The following TMEM272 variants were observed in gnomAD, a reference collection of about 807,000 sequenced individuals.
The protein encoded by TMEM272 is long intergenic non-protein coding RNA 282.
Under a neutral mutation model 3.7 loss-of-function variants are expected in TMEM272, and 8 were observed. The ratio of observed to expected loss-of-function variants is 2.17; its 90% CI spans 1.27 to 3.91. TMEM272 has a LOEUF of 3.91. Ranked by LOEUF, TMEM272 falls within the 30% of genes most tolerant of loss-of-function variation. The pLI is 0.00. For synonymous variants in TMEM272, 63 were observed against 39.8 expected (o/e 1.58, Z -2.20); for missense variants, 166 against 91.5 (o/e 1.81, Z -3.32).
At chr13:51,916,133 C>A in the TMEM272 span, among the ~76,000 whole-genome samples, 1 of 152,168 alleles carries the variant, frequency 6.6e-6, no homozygotes. Flanking sequence ...CTGGAGGGGA[C>A]ACCGGCATGA....
chr13:51,871,876 C>T, the TMEM272 span, among the ~76,000 whole-genome samples: 616 of 151,168 alleles, frequency 4.1e-3, 5 homozygotes, highest in African/African-American at 0.014. Context: ...TCCAGCCTTC[C>T]TTCCTCACTC....
intron 2 of TMEM272, among the ~76,000 whole-genome samples, chr13:51,828,991 T>C (rs929237924): frequency 2.0e-5 from 3 of 152,218 alleles, no homozygotes; most frequent in Non-Finnish European, 4.4e-5. Context: ...TAAATTAGTA[T>C]ACCTTGTCCT....
chr13:51,878,015 T>C, the TMEM272 span, among the ~76,000 whole-genome samples: 1 of 151,696 alleles, frequency 6.6e-6, no homozygotes, highest in African/African-American at 2.4e-5. Context: ...GGCTGAAGAG[T>C]TCCACAGGGC....
In TMEM272 at chr13:51,813,982, A is replaced by C. The variant is rs1343800627; in HGVS notation, c.*2769T>G. 1 of 152,182 alleles carries C rather than the reference A, an allele frequency of 6.6e-6. No individual in the cohort carries two copies. Among genetic ancestry groups the C allele is most frequent in the African/African-American group, 2.4e-5 (1 of 41,440 alleles). 9.4% of individuals were successfully genotyped at this position (152,182 alleles called of 1,614,324 possible). A position where few individuals can be genotyped will look rare whatever the true frequency, so the allele number is the denominator to read the frequency against. ...TTGCCTTGCCAGGTTCCCATGGAGG[A>C]AGGCTGCCCAGCTCTTGGGCCAGTC... On this transcript the variant is annotated 3_prime_UTR_variant, in exon 5 of 5. Transcript: ENST00000629372.
the TMEM272 span, among the ~76,000 whole-genome samples, chr13:51,868,409 G>A: frequency 8.5e-5 from 13 of 152,348 alleles, no homozygotes; most frequent in East Asian, 1.9e-4. Context: ...GAATGAAACC[G>A]AGTTTTAGCC....
the TMEM272 span, among the ~76,000 whole-genome samples, chr13:51,931,406 A>T: frequency 6.6e-6 from 1 of 151,782 alleles, no homozygotes; most frequent in African/African-American, 2.4e-5. Flanking sequence ...ACCAAACACC[A>T]CATATTCTCA....
At chr13:51,897,030 A>G in the TMEM272 span, among the ~76,000 whole-genome samples, 2 of 152,126 alleles carry the variant, frequency 1.3e-5, no homozygotes, top group African/African-American at 4.8e-5. Flanking sequence ...AGCAGCATAA[A>G]CTTCATGTTC....
chr13:51,874,115 G>A, the TMEM272 span, among the ~76,000 whole-genome samples: 1 of 152,164 alleles, frequency 6.6e-6, no homozygotes, highest in African/African-American at 2.4e-5. Context: ...AGGAACAGAG[G>A]CCCTGGCAGA....
chr13:51,900,682 T>C, the TMEM272 span, among the ~76,000 whole-genome samples: 1 of 151,892 alleles, frequency 6.6e-6, no homozygotes, highest in African/African-American at 2.4e-5. Flanking sequence ...GCATTATTCA[T>C]AGTAGCCAAA....
chr13:51,892,821 C>T, the TMEM272 span, among the ~76,000 whole-genome samples: 3 of 152,160 alleles, frequency 2.0e-5, no homozygotes, highest in African/African-American at 7.2e-5. Context: ...GTTCCTCCGT[C>T]CTAGCAGTGG....
chr13:51,820,289 C>T (rs1165417155), intron 4 of TMEM272, among the ~76,000 whole-genome samples: 1 of 152,136 alleles, frequency 6.6e-6, no homozygotes, highest in East Asian at 1.9e-4. Context: ...TGATGCATTT[C>T]ACGAAGGATG....
intron 4 of TMEM272, among the ~76,000 whole-genome samples, chr13:51,821,579 TATAGTTAAAAGCAGAA>T (rs1956078671): frequency 6.7e-6 from 1 of 150,174 alleles, no homozygotes; most frequent in African/African-American, 2.5e-5. Flanking sequence ...AACTAGGAAG[TATAGTTAAAAGCAGAA>T]ATAGGAACTG....
the TMEM272 span, among the ~76,000 whole-genome samples, chr13:51,921,942 G>C: frequency 1.3e-5 from 2 of 152,258 alleles, no homozygotes; most frequent in South Asian, 4.2e-4. Flanking sequence ...GTGTGTTGGG[G>C]ATATGTGTTG....
chr13:51,926,527 T>C, the TMEM272 span, among the ~76,000 whole-genome samples: 1 of 145,500 alleles, frequency 6.9e-6, no homozygotes, highest in South Asian at 2.1e-4. Flanking sequence ...CCTGGAGCAT[T>C]AGAGCAGCCT....
rs1306708350 is a variant in TMEM272, at chr13:51,813,929, G to A, written c.*2822C>T. 1 of 152,238 alleles carries A rather than the reference G, an allele frequency of 6.6e-6. No homozygotes were observed. Among genetic ancestry groups the A allele is most frequent in the Non-Finnish European group, 1.5e-5 (1 of 68,050 alleles). The allele number at this position is 152,238 out of a possible 1,614,324, so 9.4% of individuals were successfully genotyped here. On this transcript the variant is annotated 3_prime_UTR_variant, in exon 5 of 5. Coordinates refer to ENST00000629372, the MANE Select transcript of TMEM272 (RefSeq NM_001351003.2). ...CTTGAGGTTTCATAGCATCCAGAAAGTTCAGGTGTTCCCATGTCCACTTCC... is the reference window on the plus strand; with the variant it reads ...CTTGAGGTTTCATAGCATCCAGAAAATTCAGGTGTTCCCATGTCCACTTCC...
At chr13:51,818,477 T>A (rs1566332980) in intron 4 of TMEM272, among the ~76,000 whole-genome samples, 2 of 152,110 alleles carry the variant, frequency 1.3e-5, no homozygotes, top group African/African-American at 4.8e-5. Flanking sequence ...CTGGCAGAGA[T>A]CTGGGGGTTA....
chr13:51,914,813 T>C, the TMEM272 span, among the ~76,000 whole-genome samples: 1 of 152,204 alleles, frequency 6.6e-6, no homozygotes, highest in Non-Finnish European at 1.5e-5. Flanking sequence ...CAGGGGCACA[T>C]GTTAGAGTCC....
chr13:51,886,995 T>C, the TMEM272 span, among the ~76,000 whole-genome samples: 4 of 152,224 alleles, frequency 2.6e-5, no homozygotes, highest in African/African-American at 9.7e-5. Context: ...TCAGAAATTC[T>C]ACCCAATCCC....
the TMEM272 span, among the ~76,000 whole-genome samples, chr13:51,894,901 A>G: frequency 1.3e-5 from 2 of 151,958 alleles, no homozygotes; most frequent in Non-Finnish European, 1.5e-5. Context: ...CTGCAACTAG[A>G]TGGTCCCATC....
Sources: allele counts gnomAD v4.1 joint callset (sites outside exome capture counted in the v4.1 genomes callset), GRCh38; gene constraint gnomAD v4.1.1; transcripts MANE v1.5; gene names NCBI Gene and HGNC (gene_info 2026-07-23, HGNC 2026-07-21).